MINDY4B: variants seen among roughly 807,000 people sequenced by gnomAD.
MINDY4B encodes MINDY family member 4B.
MINDY4B carries 25 observed loss-of-function variants against 16.7 expected under a neutral mutation model. That is an observed-to-expected ratio of 1.49 (90% CI 1.09 to 2.09). The LOEUF (loss-of-function observed/expected upper bound fraction) is 2.09. Ranked by LOEUF, MINDY4B falls within the 30% of genes most tolerant of loss-of-function variation. MINDY4B has a pLI of 0.00. For synonymous variants in MINDY4B, 132 were observed against 61.9 expected, an observed-to-expected ratio of 2.13 and a Z score of -5.32; for missense variants, 327 against 168.4, an observed-to-expected ratio of 1.94 and a Z score of -5.21.
Position 150,883,070 on chromosome 3 carries a change from A to G in MINDY4B, c.898-12T>C. ...ATGTTCAGAACTGCCTAGAGAGCAT[A>G]TTTTACAGATACTTATATTTTAGAT... is the stretch of plus-strand genomic sequence containing the variant. On this transcript the variant is annotated splice_polypyrimidine_tract_variant and intron_variant, in intron 9 of 11. Transcript: ENST00000465419. The G allele has an allele frequency of 1.5e-6, 1 of 679,200 alleles. No homozygotes were observed. The highest frequency in any genetic ancestry group is 1.8e-5 in the African/African-American group (1 of 56,324). The allele number at this position is 679,200 out of a possible 1,614,324, so 42.1% of individuals were successfully genotyped here. A position where few individuals can be genotyped will look rare whatever the true frequency, so the allele number is the denominator to read the frequency against.
chr3:150,881,251 G>T (rs755467711), intron 10 of MINDY4B, among the ~76,000 whole-genome samples: 61 of 152,272 alleles, frequency 4.0e-4, no homozygotes, highest in Non-Finnish European at 7.9e-4. Flanking sequence ...AGCCATGGTG[G>T]TGTACATCTG....
chr3:150,899,017 T>C (rs886372835), intron 3 of MINDY4B, among the ~76,000 whole-genome samples: 3 of 152,214 alleles, frequency 2.0e-5, no homozygotes, highest in Non-Finnish European at 4.4e-5. Context: ...GATTCCAAGA[T>C]GTTCTAAGAA....
At chr3:150,902,643 C>G (rs1474820847) in intron 3 of MINDY4B, among the ~76,000 whole-genome samples, 1 of 152,218 alleles carries the variant, frequency 6.6e-6, no homozygotes, top group Non-Finnish European at 1.5e-5. Context: ...GGCTGGATCT[C>G]TGCCTCAGCC....
chr3:150,899,817 G>A (rs988639109), intron 3 of MINDY4B, among the ~76,000 whole-genome samples: 1 of 152,118 alleles, frequency 6.6e-6, no homozygotes, highest in South Asian at 2.1e-4. Flanking sequence ...CACACCTGTC[G>A]AGACCCATCT....
In MINDY4B at chr3:150,893,977, C is replaced by T. The variant is rs373481737; in HGVS notation, c.429+209G>A. Among the ~76,000 whole-genome samples, 81 of 152,274 alleles carry T rather than the reference C, an allele frequency of 5.3e-4. 2 individuals are homozygous for T. The South Asian group carries it at 0.016, about 30-fold the overall frequency. ...AACAGCTGGGATTACAGGTGTGAGCCACTGCACCCAGCCCATATCAGATTT... is the reference window on the plus strand; with the variant it reads ...AACAGCTGGGATTACAGGTGTGAGCTACTGCACCCAGCCCATATCAGATTT... On this transcript the variant is annotated intron_variant, in intron 4 of 11. Coordinates refer to ENST00000465419, the MANE Select transcript of MINDY4B (RefSeq NM_001351281.2).
intron 10 of MINDY4B, among the ~76,000 whole-genome samples, chr3:150,875,290 A>G (rs1005960147): frequency 1.3e-5 from 2 of 152,208 alleles, no homozygotes; most frequent in Non-Finnish European, 2.9e-5. Flanking sequence ...TATTAAGATG[A>G]TATGTAATCA....
At chr3:150,876,404 C>T (rs147444634) in intron 10 of MINDY4B, among the ~76,000 whole-genome samples, 1 of 152,140 alleles carries the variant, frequency 6.6e-6, no homozygotes, top group Non-Finnish European at 1.5e-5. Context: ...GGCTGGTAAT[C>T]TGAACAGGAG....
In MINDY4B at chr3:150,905,380, G is replaced by C. The variant is rs1712215451; in HGVS notation, c.60C>G (p.Ile20Met). 2.5e-6 allele frequency: 1 copy of C among 398,330 alleles called. No individual in the cohort carries two copies. The highest frequency in any genetic ancestry group is 4.4e-6 in the Non-Finnish European group (1 of 225,990). The allele number at this position is 398,330 out of a possible 1,614,324, so 24.7% of individuals were successfully genotyped here. Residue 20 changes from isoleucine to methionine, a missense_variant, in exon 1 of 12, where the codon ATC (isoleucine) becomes ATG (methionine). Ile to Met is a conservative substitution (Grantham distance 10, BLOSUM62 1). Transcript: ENST00000465419. ...TGTCAAGGAATGAAATTTTCCTTGAGATCTCCTCTAAATCCAGCTGTTCGG... is the reference window on the plus strand; with the variant it reads ...TGTCAAGGAATGAAATTTTCCTTGACATCTCCTCTAAATCCAGCTGTTCGG... ...QSSEQLDLEE[I>M]SRKISFLDKW...
At chr3:150,888,857 C>T (rs1711697010) in intron 7 of MINDY4B, among the ~76,000 whole-genome samples, 1 of 152,066 alleles carries the variant, frequency 6.6e-6, no homozygotes, top group African/African-American at 2.4e-5. Flanking sequence ...GAATTTCTTG[C>T]AGATATGGGT....
intron 3 of MINDY4B, among the ~76,000 whole-genome samples, chr3:150,896,790 G>T (rs575511409): frequency 4.6e-5 from 7 of 152,200 alleles, no homozygotes; most frequent in Non-Finnish European, 8.8e-5. Context: ...TGGCAGGGGG[G>T]TGAAATCTAT....
At chr3:150,884,011 C>T (rs1386177789) in intron 8 of MINDY4B, among the ~76,000 whole-genome samples, 2 of 152,108 alleles carry the variant, frequency 1.3e-5, no homozygotes, top group Non-Finnish European at 1.5e-5. Flanking sequence ...CTCAAATGTT[C>T]GAATCCCTGT....
intron 5 of MINDY4B, among the ~76,000 whole-genome samples, chr3:150,891,331 G>A (rs777215081): frequency 6.6e-6 from 1 of 152,204 alleles, no homozygotes; most frequent in African/African-American, 2.4e-5. Context: ...TACACAGTGG[G>A]AGACCTTTAC....
chr3:150,888,378 T>G (rs1711685446), intron 7 of MINDY4B, among the ~76,000 whole-genome samples: 1 of 152,150 alleles, frequency 6.6e-6, no homozygotes, highest in African/African-American at 2.4e-5. Flanking sequence ...TTCAATAAGA[T>G]CCATATTCAC....
intron 10 of MINDY4B, among the ~76,000 whole-genome samples, chr3:150,879,715 G>A (rs1183481128): frequency 6.6e-6 from 1 of 152,182 alleles, no homozygotes; most frequent in Non-Finnish European, 1.5e-5. Flanking sequence ...CAAGTGTGGG[G>A]TCCTGTTTGA....
At chr3:150,876,203 A>C (rs1711496867) in intron 10 of MINDY4B, among the ~76,000 whole-genome samples, 2 of 152,260 alleles carry the variant, frequency 1.3e-5, no homozygotes, top group Non-Finnish European at 2.9e-5. Context: ...TGCAGCAATC[A>C]GGCTTTTCAT....
chr3:150,894,399 C>T, intron 3 of MINDY4B, 94 bp from the exon 4 acceptor site: 1 of 588,616 alleles, frequency 1.7e-6, no homozygotes, highest in Non-Finnish European at 3.0e-6. Flanking sequence ...GGAGGTGGGC[C>T]TCGTTCCCTT....
At chr3:150,896,734 C>G (rs909575074) in intron 3 of MINDY4B, among the ~76,000 whole-genome samples, 1 of 152,178 alleles carries the variant, frequency 6.6e-6, no homozygotes, top group Admixed American at 6.5e-5. Context: ...TGTGAACCGT[C>G]TGTGAGTGTC....
At chr3:150,896,341 TAATAACCAACGTCCTG>T (rs1186440886) in intron 3 of MINDY4B, among the ~76,000 whole-genome samples, 1 of 152,218 alleles carries the variant, frequency 6.6e-6, no homozygotes, top group Non-Finnish European at 1.5e-5. Flanking sequence ...CTGATTAGCT[TAATAACCAACGTCCTG>T]AATCCTTTTT....
At chr3:150,887,890 C>T (rs1327899031) in intron 7 of MINDY4B, among the ~76,000 whole-genome samples, 3 of 152,096 alleles carry the variant, frequency 2.0e-5, no homozygotes, top group East Asian at 1.9e-4. Context: ...GGGCGGATCA[C>T]GAGGTCAGGA....
Sources: allele counts gnomAD v4.1 joint callset (sites outside exome capture counted in the v4.1 genomes callset), GRCh38; gene constraint gnomAD v4.1.1; transcripts MANE v1.5; gene names NCBI Gene and HGNC (gene_info 2026-07-23, HGNC 2026-07-21).